Variants in CACNA1A observed in about 807,000 individuals in gnomAD.
CACNA1A encodes calcium voltage-gated channel subunit alpha1 A, also known as voltage-dependent P/Q-type calcium channel subunit alpha-1A.
Under a neutral mutation model 262.4 loss-of-function variants are expected in CACNA1A, and 57 were observed. The observed-to-expected ratio is 0.22, with a 90% confidence interval of 0.18 to 0.27. The LOEUF (loss-of-function observed/expected upper bound fraction) is 0.27. Among genes scored for constraint, CACNA1A ranks in the 10% least tolerant of loss-of-function variants. The pLI is 1.00. For missense variants in CACNA1A, 2,526 were observed against 3,562.8 expected, an observed-to-expected ratio of 0.71 and a Z score of 7.41; for synonymous variants, 1,431 against 1,419.3, an observed-to-expected ratio of 1.01 and a Z score of -0.18.
intron 6 of CACNA1A, among the ~76,000 whole-genome samples, chr19:13,336,950 C>T (rs1329419402): frequency 6.6e-6 from 1 of 152,210 alleles, no homozygotes; most frequent in East Asian, 1.9e-4. Flanking sequence ...TAGTTGATCA[C>T]CCTGTGACAC....
At chr19:13,406,466 TA>T (rs1362518290) in intron 3 of CACNA1A, among the ~76,000 whole-genome samples, 1,369 of 6,698 alleles carry the variant, frequency 0.2, 96 homozygotes, top group African/African-American at 0.41. Context: ...AAAAAAAAAT[TA>T]TATATATATA....
At chr19:13,395,444 C>T (rs2059792897) in intron 3 of CACNA1A, among the ~76,000 whole-genome samples, 2 of 149,990 alleles carry the variant, frequency 1.3e-5, no homozygotes, top group Admixed American at 6.7e-5. Context: ...AACCCTGTCT[C>T]TACTAAAAAA....
chr19:13,326,482 C>T (rs1385964654), intron 10 of CACNA1A, among the ~76,000 whole-genome samples: 1 of 151,886 alleles, frequency 6.6e-6, no homozygotes, highest in African/African-American at 2.4e-5. Context: ...GTAGAATCAC[C>T]AATTATATAA....
Position 13,236,924 on chromosome 19 carries a change from C to G in CACNA1A, c.4951-1194G>C, listed in dbSNP as rs532571323. ...GGGGGGGGTGGGACTCTCGAAGTCA[C>G]GAGTGGGCCAAATCTAGCTAATAAA... On this transcript the variant is annotated intron_variant, in intron 31 of 46. Coordinates refer to ENST00000360228, the MANE Select transcript of CACNA1A (RefSeq NM_001127222.2). The surrounding 1 kb of genome is among the most constrained non-coding windows in gnomAD (Gnocchi z 4.6). Among the ~76,000 whole-genome samples the G allele has an allele frequency of 2.0e-5, 3 of 152,104 alleles. No homozygotes were observed. Among genetic ancestry groups the G allele is most frequent in the Admixed American group, 2.0e-4 (3 of 15,262 alleles).
intron 3 of CACNA1A, among the ~76,000 whole-genome samples, chr19:13,393,820 C>CCT (rs2059763547): frequency 1.0e-5 from 1 of 100,064 alleles, no homozygotes; most frequent in Non-Finnish European, 2.2e-5. Context: ...CTCTCTCTCT[C>CCT]TCTCTCTCTC....
At chr19:13,257,118 G>A in intron 28 of CACNA1A, 1 of 353,082 alleles carries the variant, frequency 2.8e-6, no homozygotes. Flanking sequence ...GAAATCTGGG[G>A]TTGCTTGTTA....
At chr19:13,442,355 T>G (rs1354359555) in intron 3 of CACNA1A, among the ~76,000 whole-genome samples, 3 of 152,202 alleles carry the variant, frequency 2.0e-5, no homozygotes, top group Non-Finnish European at 2.9e-5. Context: ...ATTTATACAC[T>G]GACTCCCTAG....
At position 13,318,782 on chromosome 19, in the gene CACNA1A, T is replaced by C. The variant is rs138895443; in HGVS notation, c.1346-1461A>G. Among the ~76,000 whole-genome samples the C allele has an allele frequency of 2.6e-3, 389 of 152,136 alleles. 4 individuals are homozygous for C. The highest frequency in any genetic ancestry group is 8.8e-3 in the African/African-American group (367 of 41,482). On this transcript the variant is annotated intron_variant, in intron 10 of 46. Transcript: ENST00000360228. Reference sequence around the variant, plus strand: ...ATGTACATACAAAGGAATGGATGAATTGGTGAACCCCTTAAGGGATGGAGC... The same window carrying C: ...ATGTACATACAAAGGAATGGATGAACTGGTGAACCCCTTAAGGGATGGAGC...
chr19:13,502,751 T>C (rs1346423311), intron 1 of CACNA1A, among the ~76,000 whole-genome samples: 31 of 152,192 alleles, frequency 2.0e-4, no homozygotes, highest in Admixed American at 2.0e-3. Flanking sequence ...GCTTCAAGTT[T>C]GACCCACTGA....
In CACNA1A at chr19:13,262,789, C is replaced by T. The variant is rs121908230; in HGVS notation, c.4034G>A (p.Arg1345Gln). The stretch of plus-strand genomic sequence containing the variant: ...AAGAGGTCGTAGCACCCGGAGGACT[C>T]GGAGGGATTTAATCGTGTTGATGTC... ...GKDINTIKSL[R>Q]VLRVLRPLKT... The change falls in exon 25 of 47, where the codon CGA becomes CAA. Residue 1345 changes from arginine (R) to glutamine (Q), a missense_variant. Arg to Gln is a conservative substitution (Grantham distance 43, BLOSUM62 1). This residue lies in a region of CACNA1A where 137 missense variants were observed against 377.7 expected (regional missense o/e 0.36). Coordinates refer to ENST00000360228, the MANE Select transcript of CACNA1A (RefSeq NM_001127222.2). 6.2e-7 allele frequency: 1 copy of T among 1,613,616 alleles called. No homozygotes were observed. The highest frequency in any genetic ancestry group is 8.5e-7 in the Non-Finnish European group (1 of 1,179,706).
At chr19:13,396,239 G>A (rs2059809246) in intron 3 of CACNA1A, among the ~76,000 whole-genome samples, 2 of 152,184 alleles carry the variant, frequency 1.3e-5, no homozygotes, top group South Asian at 4.2e-4. Context: ...AGCTGAACTT[G>A]AACTAAAGCT....
At chr19:13,296,457 C>G (rs1296659631) in intron 19 of CACNA1A, among the ~76,000 whole-genome samples, 3 of 152,218 alleles carry the variant, frequency 2.0e-5, no homozygotes, top group Admixed American at 1.3e-4. Context: ...ACTATAGCAT[C>G]TGCTAGAAAG....
intron 3 of CACNA1A, among the ~76,000 whole-genome samples, chr19:13,389,202 A>G (rs1451515322): frequency 6.6e-6 from 1 of 152,084 alleles, no homozygotes; most frequent in African/African-American, 2.4e-5. Flanking sequence ...CGTGCCCGGC[A>G]ACAACCATAT....
At chr19:13,456,161 A>G (rs2061003495) in intron 1 of CACNA1A, among the ~76,000 whole-genome samples, 1 of 151,844 alleles carries the variant, frequency 6.6e-6, no homozygotes, top group Admixed American at 6.6e-5. Flanking sequence ...AAAATAAATA[A>G]AATAATAAAT....
At chr19:13,500,537 C>G (rs932239136) in intron 1 of CACNA1A, among the ~76,000 whole-genome samples, 1 of 152,202 alleles carries the variant, frequency 6.6e-6, no homozygotes, top group Non-Finnish European at 1.5e-5. Context: ...CGAGGCCAGA[C>G]GTGCTTTGGA....
intron 6 of CACNA1A, among the ~76,000 whole-genome samples, chr19:13,344,221 CAA>C (rs35162704): frequency 2.0e-4 from 24 of 121,312 alleles, no homozygotes; most frequent in African/African-American, 3.8e-4. Context: ...CTCAAAAAAG[CAA>C]AAAAAAAAAA....
rs747069272 is a variant in CACNA1A, at chr19:13,262,715, C to T, written c.4089+19G>A. 2 of 1,536,526 alleles carry T rather than the reference C, an allele frequency of 1.3e-6. No homozygotes were observed. Among genetic ancestry groups the T allele is most frequent in the Admixed American group, 1.7e-5 (1 of 58,500 alleles). On this transcript the variant is annotated intron_variant, in intron 25 of 46. Transcript: ENST00000360228. Reference sequence around the variant, plus strand: ...CCTGACAGTCCCCCCCACCGCACCCCACCATCTCCCAATCTCACCTTGAGC... The same window carrying T: ...CCTGACAGTCCCCCCCACCGCACCCTACCATCTCCCAATCTCACCTTGAGC...
rs572545440 is a variant in CACNA1A, at chr19:13,488,636, G to T, written c.293+17296C>A. On this transcript the variant is annotated intron_variant, in intron 1 of 46. Transcript: ENST00000360228. ...GCTGGTCTCAAACTTCTGACCTCAG[G>T]TGATCCACCCGCCTTGGCCTCTTAA... Among the ~76,000 whole-genome samples, 5 of 151,918 alleles carry T rather than the reference G, an allele frequency of 3.3e-5. No individual in the cohort carries two copies. The East Asian group carries it at 7.8e-4, about 24-fold the overall frequency.
intron 1 of CACNA1A, among the ~76,000 whole-genome samples, chr19:13,477,025 A>T (rs1158088994): frequency 2.0e-5 from 3 of 152,112 alleles, no homozygotes; most frequent in Non-Finnish European, 4.4e-5. Flanking sequence ...GCAGCCCATA[A>T]GGCCCTCCAA....
Sources: allele counts gnomAD v4.1 joint callset (sites outside exome capture counted in the v4.1 genomes callset), GRCh38; gene constraint gnomAD v4.1.1; regional missense constraint gnomAD v4.1.1; non-coding constraint Gnocchi (gnomAD v3.1); transcripts MANE v1.5; gene names NCBI Gene and HGNC (gene_info 2026-07-23, HGNC 2026-07-21).